The following HPSE2 variants were observed in gnomAD, a reference collection of about 807,000 sequenced individuals.
HPSE2 encodes inactive heparanase-2.
HPSE2 carries 38 observed loss-of-function variants against 60.5 expected under a neutral mutation model. The ratio of observed to expected loss-of-function variants is 0.63; its 90% CI spans 0.48 to 0.82. The LOEUF (loss-of-function observed/expected upper bound fraction) is 0.82. Ranked by LOEUF, HPSE2 falls within the 40% of genes least tolerant of loss-of-function variation. The pLI, the probability that HPSE2 is intolerant of heterozygous loss-of-function variation, is 0.00. For synonymous variants in HPSE2, 295 were observed against 293.2 expected (o/e 1.01, Z -0.06); for missense variants, 713 against 740.4 (o/e 0.96, Z 0.43).
intron 3 of HPSE2, among the ~76,000 whole-genome samples, chr10:98,753,407 A>G (rs1949804684): frequency 6.6e-6 from 1 of 152,222 alleles, no homozygotes. Context: ...GTATATATCC[A>G]GAAGAACTGA....
chr10:98,943,255 TA>T (rs944799388), intron 3 of HPSE2, among the ~76,000 whole-genome samples: 18 of 150,632 alleles, frequency 1.2e-4, no homozygotes, highest in African/African-American at 3.2e-4. Context: ...AAAATTATAA[TA>T]AAAAAATAAA....
chr10:99,253,601 A>G, the HPSE2 span, among the ~76,000 whole-genome samples: 1 of 152,214 alleles, frequency 6.6e-6, no homozygotes, highest in East Asian at 1.9e-4. Context: ...ACAAAAATTG[A>G]CAAGTGGGAT....
chr10:99,261,909 G>A, the HPSE2 span, among the ~76,000 whole-genome samples: 1 of 152,122 alleles, frequency 6.6e-6, no homozygotes, highest in Admixed American at 6.6e-5. Context: ...CACAAAGCCC[G>A]GGATTTCTCC....
intron 9 of HPSE2, among the ~76,000 whole-genome samples, chr10:98,532,847 C>G (rs530280225): frequency 1.3e-5 from 2 of 152,246 alleles, no homozygotes; most frequent in South Asian, 4.2e-4. Flanking sequence ...CCTGGAAGAG[C>G]TTCCTTTTAT....
At chr10:99,251,692 T>C in the HPSE2 span, among the ~76,000 whole-genome samples, 2 of 152,046 alleles carry the variant, frequency 1.3e-5, no homozygotes, top group African/African-American at 4.8e-5. Flanking sequence ...TGGTTCAACA[T>C]AAGCAAATCA....
chr10:99,098,380 A>G (rs989876423), intron 3 of HPSE2, among the ~76,000 whole-genome samples: 1 of 152,204 alleles, frequency 6.6e-6, no homozygotes, highest in Non-Finnish European at 1.5e-5. Flanking sequence ...AGATTTTGGT[A>G]TCAATAAGGG....
intron 6 of HPSE2, among the ~76,000 whole-genome samples, chr10:98,654,655 T>A (rs151292949): frequency 6.6e-6 from 1 of 152,248 alleles, no homozygotes; most frequent in South Asian, 2.1e-4. Flanking sequence ...GAGCACTTAA[T>A]GTATTAATCA....
chr10:99,221,481 T>C (rs983028647), intron 2 of HPSE2, among the ~76,000 whole-genome samples: 13 of 152,226 alleles, frequency 8.5e-5, no homozygotes, highest in African/African-American at 2.9e-4. Flanking sequence ...CCTGAGAACA[T>C]AAAGCAGAAT....
At chr10:99,113,159 C>A (rs763307588) in intron 3 of HPSE2, among the ~76,000 whole-genome samples, 4 of 152,200 alleles carry the variant, frequency 2.6e-5, no homozygotes, top group Non-Finnish European at 5.9e-5. Flanking sequence ...AGCAACCATT[C>A]ATTGAGTGCA....
intron 3 of HPSE2, among the ~76,000 whole-genome samples, chr10:98,758,865 A>G (rs1263009389): frequency 6.6e-6 from 1 of 152,186 alleles, no homozygotes; most frequent in Non-Finnish European, 1.5e-5. Context: ...AAATCATTCT[A>G]CCATAAAGAT....
At chr10:98,542,996 C>T (rs1266691747) in intron 9 of HPSE2, among the ~76,000 whole-genome samples, 4 of 151,858 alleles carry the variant, frequency 2.6e-5, no homozygotes, top group East Asian at 3.9e-4. Context: ...AGATACTCCT[C>T]GAGAAGAGCA....
At chr10:99,084,487 A>G (rs968766746) in intron 3 of HPSE2, among the ~76,000 whole-genome samples, 1 of 152,166 alleles carries the variant, frequency 6.6e-6, no homozygotes, top group Non-Finnish European at 1.5e-5. Flanking sequence ...AAATGTTCTC[A>G]GGGTATGGGT....
At chr10:98,627,211 G>A (rs1053233619) in intron 7 of HPSE2, among the ~76,000 whole-genome samples, 12 of 152,090 alleles carry the variant, frequency 7.9e-5, no homozygotes, top group Non-Finnish European at 1.8e-4. Flanking sequence ...TAAAAGTTAC[G>A]CCTGTAGCCC....
chr10:98,517,031 C>T (rs1942623513), intron 9 of HPSE2, among the ~76,000 whole-genome samples: 1 of 152,166 alleles, frequency 6.6e-6, no homozygotes, highest in African/African-American at 2.4e-5. Context: ...TTCTTAGTTT[C>T]AGGGGTTATT....
Position 98,625,581 on chromosome 10 carries a change from A to C in HPSE2, c.1099-4873T>G, listed in dbSNP as rs192811898. On this transcript the variant is annotated intron_variant, in intron 7 of 11. Coordinates refer to ENST00000370552, the MANE Select transcript of HPSE2 (RefSeq NM_021828.5). ...TTATCACTTGAGGATGTTTGCTGTA[A>C]GTACAATAAGTCTTCACTTAAAGTC... 1.8e-3 allele frequency among the ~76,000 whole-genome samples: 274 copies of C among 152,354 alleles called. 2 individuals carry two copies. The highest frequency in any genetic ancestry group is 5.9e-3 in the African/African-American group (246 of 41,582).
intron 3 of HPSE2, among the ~76,000 whole-genome samples, chr10:98,896,718 T>C (rs1953502554): frequency 6.6e-6 from 1 of 152,068 alleles, no homozygotes; most frequent in Non-Finnish European, 1.5e-5. Context: ...CATCAGTAAC[T>C]GATAAACTTC....
chr10:98,805,725 T>C (rs767519241), intron 3 of HPSE2, among the ~76,000 whole-genome samples: 71 of 152,282 alleles, frequency 4.7e-4, no homozygotes, highest in Non-Finnish European at 7.2e-4. Flanking sequence ...AATAAGTTGC[T>C]TTTACATCAT....
chr10:98,985,679 T>G, intron 3 of HPSE2, among the ~76,000 whole-genome samples: 1 of 152,136 alleles, frequency 6.6e-6, no homozygotes, highest in Non-Finnish European at 1.5e-5. Flanking sequence ...ATGCTCCAAT[T>G]AAAAGACACA....
intron 9 of HPSE2, among the ~76,000 whole-genome samples, chr10:98,600,264 G>C (rs10883149): frequency 0.42 from 63,761 of 152,090 alleles, 16,098 homozygotes; most frequent in Admixed American, 0.54. Context: ...TATACTACAT[G>C]CATAAAAGGA....
Sources: allele counts gnomAD v4.1 joint callset (sites outside exome capture counted in the v4.1 genomes callset), GRCh38; gene constraint gnomAD v4.1.1; transcripts MANE v1.5; gene names NCBI Gene and HGNC (gene_info 2026-07-23, HGNC 2026-07-21).